Variants in NKAIN2 observed in about 807,000 individuals in gnomAD.
The protein encoded by NKAIN2 is sodium/potassium-transporting ATPase subunit beta-1-interacting protein 2.
In NKAIN2, 14 loss-of-function variants were observed where a neutral mutation model predicts 32.6. The observed-to-expected ratio is 0.43, with a 90% confidence interval of 0.28 to 0.67. The LOEUF (loss-of-function observed/expected upper bound fraction) is 0.67, where lower values mean the gene tolerates loss of function less well. Among genes scored for constraint, NKAIN2 ranks in the 30% least tolerant of loss-of-function variants. The pLI is 0.17. For synonymous variants in NKAIN2, 80 were observed against 87.2 expected (o/e 0.92, Z 0.46); for missense variants, 198 against 258.3 (o/e 0.77, Z 1.60).
chr6:123,866,696 C>T (rs1772534324), intron 1 of NKAIN2, among the ~76,000 whole-genome samples: 1 of 152,182 alleles, frequency 6.6e-6, no homozygotes, highest in Non-Finnish European at 1.5e-5. Flanking sequence ...TTCCAAAGTG[C>T]TGGGATTACA....
chr6:123,854,490 A>C lies in NKAIN2; in HGVS notation c.54+50236A>C, dbSNP rs1012028705. Among the ~76,000 whole-genome samples the C allele has an allele frequency of 2.0e-5, 3 of 152,192 alleles. No individual in the cohort carries two copies. In the South Asian group the frequency reaches 6.2e-4, roughly 31 times the overall value. ...AGATTTTCCATGAATCAAACTTATT[A>C]TGGGTATTAAAACATTAACAATTTT... On this transcript the variant is annotated intron_variant, in intron 1 of 6. Transcript: ENST00000368417.
intron 3 of NKAIN2, among the ~76,000 whole-genome samples, chr6:124,537,361 GTCATTATTGTCC>G (rs1438662059): frequency 6.6e-6 from 1 of 152,168 alleles, no homozygotes; most frequent in Non-Finnish European, 1.5e-5. Context: ...CTTCCACAAA[GTCATTATTGTCC>G]TCTCCTTGGT....
chr6:124,476,049 AGAGAGAGAGAGAGAGAGTGTGTGTGTGT>A (rs1777186939), intron 3 of NKAIN2, among the ~76,000 whole-genome samples: 3 of 105,068 alleles, frequency 2.9e-5, no homozygotes, highest in African/African-American at 1.2e-4. Flanking sequence ...TGTGTGTGTG[AGAGAGAGAGAGAGAGAGTGTGTGTGTGT>A]GTGTGTGTGT....
chr6:124,187,226 T>G (rs1789789779), intron 1 of NKAIN2, among the ~76,000 whole-genome samples: 1 of 152,328 alleles, frequency 6.6e-6, no homozygotes, highest in South Asian at 2.1e-4. Context: ...ATGGATGGAT[T>G]AGAGATGACT....
intron 3 of NKAIN2, among the ~76,000 whole-genome samples, chr6:124,531,027 A>G (rs1779507186): frequency 6.6e-6 from 1 of 152,200 alleles, no homozygotes; most frequent in African/African-American, 2.4e-5. Flanking sequence ...ACATATCCAG[A>G]TATAATGATT....
intron 3 of NKAIN2, among the ~76,000 whole-genome samples, chr6:124,489,376 T>A (rs777189994): frequency 6.6e-6 from 1 of 151,936 alleles, no homozygotes; most frequent in Non-Finnish European, 1.5e-5. Flanking sequence ...TCTGGTTTCC[T>A]AATTCATCAC....
chr6:124,508,095 GAA>G (rs61476933), intron 3 of NKAIN2, among the ~76,000 whole-genome samples: 3,731 of 137,700 alleles, frequency 0.027, 71 homozygotes, highest in African/African-American at 0.057. Context: ...TGTACCAAAA[GAA>G]AAAAAAAAAA....
intron 1 of NKAIN2, among the ~76,000 whole-genome samples, chr6:123,870,124 TG>T (rs1306755397): frequency 1.3e-5 from 2 of 152,184 alleles, no homozygotes; most frequent in African/African-American, 4.8e-5. Flanking sequence ...ATTTGAGCAC[TG>T]GGGGTATAAC....
At chr6:124,168,019 C>G (rs1199557232) in intron 1 of NKAIN2, among the ~76,000 whole-genome samples, 1 of 152,156 alleles carries the variant, frequency 6.6e-6, no homozygotes, top group African/African-American at 2.4e-5. Context: ...ACATAAAAAA[C>G]CAAGCATTTA....
At chr6:124,203,493 C>A (rs932532134) in intron 1 of NKAIN2, among the ~76,000 whole-genome samples, 1 of 151,784 alleles carries the variant, frequency 6.6e-6, no homozygotes, top group African/African-American at 2.4e-5. Context: ...TTAAAATATT[C>A]TAATTTTTAA....
At chr6:124,739,502 A>G (rs774670217) in intron 4 of NKAIN2, among the ~76,000 whole-genome samples, 4 of 151,868 alleles carry the variant, frequency 2.6e-5, no homozygotes, top group Admixed American at 6.6e-5. Context: ...CTTCTAACCA[A>G]TGACCCTTCC....
At position 124,649,677 on chromosome 6, in the gene NKAIN2, T is replaced by C. The variant is rs545810806; in HGVS notation, c.274-8509T>C. ...GCAGCACAAAAAAAGAAAACTGTAGTCCAATATCCCTCATGAACACAGATG... is the reference window on the plus strand; with the variant it reads ...GCAGCACAAAAAAAGAAAACTGTAGCCCAATATCCCTCATGAACACAGATG... On this transcript the variant is annotated intron_variant, in intron 3 of 6. Transcript: ENST00000368417. Among the ~76,000 whole-genome samples the C allele has an allele frequency of 2.6e-5, 4 of 152,164 alleles. No individual in the cohort carries two copies. In the South Asian group the frequency reaches 8.3e-4, roughly 32 times the overall value.
At chr6:123,938,442 A>G (rs1246471753) in intron 1 of NKAIN2, among the ~76,000 whole-genome samples, 23 of 98,982 alleles carry the variant, frequency 2.3e-4, no homozygotes, top group Admixed American at 2.3e-3. Context: ...ATATATATAT[A>G]TATATATATA....
chr6:124,661,354 T>A (rs531629601), intron 4 of NKAIN2, among the ~76,000 whole-genome samples: 2 of 152,332 alleles, frequency 1.3e-5, no homozygotes, highest in African/African-American at 4.8e-5. Context: ...AAACTGCTGC[T>A]TTCTCAGCCA....
intron 1 of NKAIN2, among the ~76,000 whole-genome samples, chr6:124,053,135 T>C (rs983191011): frequency 2.6e-5 from 4 of 152,036 alleles, no homozygotes; most frequent in African/African-American, 4.8e-5. Context: ...ATGTGCAGGA[T>C]TGTTACATAG....
chr6:124,021,259 T>C (rs977449063), intron 1 of NKAIN2, among the ~76,000 whole-genome samples: 5 of 152,084 alleles, frequency 3.3e-5, no homozygotes, highest in East Asian at 1.9e-4. Flanking sequence ...ATATATAGCA[T>C]GTATATGTGT....
intron 3 of NKAIN2, among the ~76,000 whole-genome samples, chr6:124,556,436 G>C (rs775845521): frequency 6.6e-6 from 1 of 152,174 alleles, no homozygotes; most frequent in Non-Finnish European, 1.5e-5. Context: ...ATGGATCAAT[G>C]TTATTATCTC....
At chr6:123,892,653 C>T (rs1260430153) in intron 1 of NKAIN2, among the ~76,000 whole-genome samples, 1 of 151,916 alleles carries the variant, frequency 6.6e-6, no homozygotes, top group Admixed American at 6.6e-5. Flanking sequence ...AGATTAGCTG[C>T]TCCTCCTTCC....
At chr6:124,670,266 C>T (rs1773033170) in intron 4 of NKAIN2, among the ~76,000 whole-genome samples, 2 of 152,018 alleles carry the variant, frequency 1.3e-5, no homozygotes, top group Admixed American at 6.6e-5. Context: ...TGTTAAGTAA[C>T]ATTTTTATGG....
Sources: gnomAD v4.1 joint callset for allele counts (sites outside exome capture counted in the v4.1 genomes callset) on GRCh38, gnomAD v4.1.1 for gene constraint, MANE v1.5 for transcripts, NCBI Gene and HGNC (gene_info 2026-07-23, HGNC 2026-07-21) for gene names.